The following NDRG3 variants were observed in gnomAD, a reference collection of about 807,000 sequenced individuals.
The protein encoded by NDRG3 is protein NDRG3.
NDRG3 carries 23 observed loss-of-function variants against 57.2 expected under a neutral mutation model. The ratio of observed to expected loss-of-function variants is 0.40; its 90% CI spans 0.29 to 0.57. The LOEUF (loss-of-function observed/expected upper bound fraction) is 0.57. Among genes scored for constraint, NDRG3 ranks in the 20% least tolerant of loss-of-function variants. The pLI, the probability that NDRG3 is intolerant of heterozygous loss-of-function variation, is 0.42. For missense variants in NDRG3, 384 were observed against 457.3 expected (o/e 0.84, Z 1.46); for synonymous variants, 132 against 162.6 (o/e 0.81, Z 1.43).
chr20:36,712,393 CTT>C (rs532490524), intron 2 of NDRG3, among the ~76,000 whole-genome samples: 2,047 of 124,226 alleles, frequency 0.016, 67 homozygotes, highest in African/African-American at 0.062. Flanking sequence ...TTTTCTTTTT[CTT>C]TTTTTTTTTT....
intron 15 of NDRG3, among the ~76,000 whole-genome samples, chr20:36,655,261 A>G (rs919942428): frequency 6.6e-6 from 1 of 152,228 alleles, no homozygotes; most frequent in Non-Finnish European, 1.5e-5. Flanking sequence ...TGGCAGGTAC[A>G]GGGCTGCACC....
At chr20:36,693,232 A>G (rs1001323447) in intron 3 of NDRG3, among the ~76,000 whole-genome samples, 9 of 144,706 alleles carry the variant, frequency 6.2e-5, no homozygotes, top group Non-Finnish European at 1.2e-4. Context: ...ATACGTATAT[A>G]TATGTGTGTA....
At chr20:36,677,181 C>T (rs1191937592) in intron 8 of NDRG3, among the ~76,000 whole-genome samples, 1 of 152,204 alleles carries the variant, frequency 6.6e-6, no homozygotes, top group Non-Finnish European at 1.5e-5. Context: ...CTGCAGCCGC[C>T]CTCCCAGGCG....
intron 6 of NDRG3, among the ~76,000 whole-genome samples, chr20:36,682,823 AGGCGGATCACGAGGTC>A (rs1198413440): frequency 4.7e-5 from 7 of 150,530 alleles, no homozygotes; most frequent in Admixed American, 1.3e-4. Flanking sequence ...AGGCCGAGGC[AGGCGGATCACGAGGTC>A]GGCGGATCAC....
chr20:36,682,678 A>G, intron 6 of NDRG3, 100 bp from the exon 7 acceptor site: 1 of 982,436 alleles, frequency 1.0e-6, no homozygotes, highest in East Asian at 2.5e-5. Context: ...CCTGGCTCTG[A>G]TATTTATTAG....
intron 8 of NDRG3, among the ~76,000 whole-genome samples, chr20:36,679,965 C>T (rs1981110660): frequency 6.6e-6 from 1 of 151,330 alleles, no homozygotes; most frequent in South Asian, 2.1e-4. Context: ...GCTGGGATTA[C>T]AGGCATGCAC....
At chr20:36,680,932 A>C (rs778593559) in intron 7 of NDRG3, 30 bp from the exon 8 acceptor site, 3 of 1,563,848 alleles carry the variant, frequency 1.9e-6, no homozygotes, top group Non-Finnish European at 2.6e-6. Context: ...CAATAGTATG[A>C]AAGCTACACT....
Position 36,666,326 on chromosome 20 carries a change from G to T in NDRG3, c.655C>A (p.Gln219Lys). ...TTCAAGAAGAGCTGCAGGTTGTCTT[G>T]GTTGATGTCTTGGGCAATATGCATT... is the stretch of plus-strand genomic sequence containing the variant. Reference protein sequence around the residue: ...YRMHIAQDINQDNLQLFLNSY... With the variant: ...YRMHIAQDINKDNLQLFLNSY... Residue 219 changes from glutamine to lysine, a missense_variant, in exon 10 of 16, where the codon CAA (glutamine) becomes AAA (lysine). By Grantham distance (53) the Gln-to-Lys change is moderately conservative (BLOSUM62 1). Coordinates refer to ENST00000349004, the MANE Select transcript of NDRG3 (RefSeq NM_032013.4). The T allele has an allele frequency of 1.2e-6, 2 of 1,614,098 alleles. No individual in the cohort carries two copies. Among genetic ancestry groups the T allele is most frequent in the Non-Finnish European group, 1.7e-6 (2 of 1,179,942 alleles).
chr20:36,708,753 G>C lies in NDRG3; in HGVS notation c.58-1746C>G, dbSNP rs565665945. Among the ~76,000 whole-genome samples the C allele has an allele frequency of 2.6e-5, 4 of 152,034 alleles. No individual in the cohort carries two copies. In the East Asian group the frequency reaches 7.8e-4, roughly 29 times the overall value. ...AGAGAGGTTAAAAAGCACAGCCCAA[G>C]CCGGGCGCGGTGGCTCACGCCTGTA... On this transcript the variant is annotated intron_variant, in intron 2 of 15. Coordinates refer to ENST00000349004, the MANE Select transcript of NDRG3 (RefSeq NM_032013.4).
intron 13 of NDRG3, among the ~76,000 whole-genome samples, chr20:36,658,259 G>C: frequency 6.6e-6 from 1 of 152,186 alleles, no homozygotes; most frequent in East Asian, 1.9e-4. Context: ...AGTCTCTGGA[G>C]TAGCTGGGAT....
chr20:36,702,576 T>C (rs764854818), intron 3 of NDRG3, among the ~76,000 whole-genome samples: 1 of 152,100 alleles, frequency 6.6e-6, no homozygotes, highest in Non-Finnish European at 1.5e-5. Flanking sequence ...CAGGCTGCAG[T>C]GCAAAGGCTC....
chr20:36,721,628 A>G (rs1221938149), intron 2 of NDRG3, 51 bp downstream of exon 2: 1 of 1,068,996 alleles, frequency 9.4e-7, no homozygotes, highest in Non-Finnish European at 1.4e-6. Context: ...ATGAAATACT[A>G]TCAGAAGAAA....
chr20:36,717,532 T>C (rs1484178145), intron 2 of NDRG3, among the ~76,000 whole-genome samples: 7 of 152,112 alleles, frequency 4.6e-5, no homozygotes, highest in African/African-American at 1.7e-4. Flanking sequence ...GTTTTAAGAG[T>C]AGGAAAGACT....
intron 7 of NDRG3, 51 bp from the exon 8 acceptor site, chr20:36,680,953 T>C: frequency 6.9e-7 from 1 of 1,446,188 alleles, no homozygotes; most frequent in Non-Finnish European, 9.7e-7. Context: ...CCCACAGTTC[T>C]TCTAAACAGT....
intron 10 of NDRG3, 37 bp from the exon 11 acceptor site, chr20:36,665,338 TA>T: frequency 6.3e-7 from 1 of 1,595,040 alleles, no homozygotes; most frequent in Non-Finnish European, 8.6e-7. Flanking sequence ...CCTTTTTGGG[TA>T]AAGTCATAGC....
chr20:36,713,601 G>T lies in NDRG3; in HGVS notation c.58-6594C>A, dbSNP rs181847350. Reference sequence around the variant, plus strand: ...GAAAGATGAGATAGTTGAAAGATGAGATAGATAAGACCTTAGACCAACTAT... The same window carrying T: ...GAAAGATGAGATAGTTGAAAGATGATATAGATAAGACCTTAGACCAACTAT... On this transcript the variant is annotated intron_variant, in intron 2 of 15. Coordinates refer to ENST00000349004, the MANE Select transcript of NDRG3 (RefSeq NM_032013.4). 1.1e-4 allele frequency among the ~76,000 whole-genome samples: 17 copies of T among 152,258 alleles called. 1 individual carries two copies. The highest frequency in any genetic ancestry group is 4.1e-4 in the African/African-American group (17 of 41,554).
intron 1 of NDRG3, among the ~76,000 whole-genome samples, chr20:36,728,653 T>C (rs1053696753): frequency 6.6e-6 from 1 of 152,194 alleles, no homozygotes; most frequent in Non-Finnish European, 1.5e-5. Flanking sequence ...GTAAGTATAA[T>C]GCATATTGCA....
chr20:36,670,572 C>A (rs906181951), intron 9 of NDRG3, among the ~76,000 whole-genome samples: 1 of 152,162 alleles, frequency 6.6e-6, no homozygotes, highest in African/African-American at 2.4e-5. Flanking sequence ...GTTTCCCTAT[C>A]TTAAAATCAG....
At chr20:36,714,467 G>A (rs1455171833) in intron 2 of NDRG3, among the ~76,000 whole-genome samples, 7 of 139,892 alleles carry the variant, frequency 5.0e-5, no homozygotes, top group African/African-American at 1.8e-4. Context: ...TTTAGACAGA[G>A]TTTCGCTCTT....
Sources: allele counts gnomAD v4.1 joint callset (sites outside exome capture counted in the v4.1 genomes callset), GRCh38; gene constraint gnomAD v4.1.1; transcripts MANE v1.5; gene names NCBI Gene and HGNC (gene_info 2026-07-23, HGNC 2026-07-21).